Variants in NRF1 observed in about 807,000 individuals in gnomAD.
NRF1 encodes the protein nuclear respiratory factor 1.
A neutral mutation model predicts 58.5 loss-of-function variants in NRF1; 5 were observed. That is an observed-to-expected ratio of 0.09 (90% CI 0.04 to 0.18). The LOEUF (loss-of-function observed/expected upper bound fraction) is 0.18. Among genes scored for constraint, NRF1 ranks in the 10% least tolerant of loss-of-function variants. The pLI, the probability that NRF1 is intolerant of heterozygous loss-of-function variation, is 1.00. For synonymous variants in NRF1, 224 were observed against 246.7 expected, an observed-to-expected ratio of 0.91 and a Z score of 0.86; for missense variants, 288 against 657.7, an observed-to-expected ratio of 0.44 and a Z score of 6.15.
chr7:129,690,668 G>A (rs1466243003), intron 5 of NRF1, 122 bp downstream of exon 5: 1 of 1,018,454 alleles, frequency 9.8e-7, no homozygotes, highest in Non-Finnish European at 1.4e-6. Flanking sequence ...GCTGACTGGA[G>A]TCTTGTAGTG....
intron 5 of NRF1, among the ~76,000 whole-genome samples, chr7:129,699,041 C>T (rs962280941): frequency 6.6e-6 from 1 of 152,180 alleles, no homozygotes; most frequent in Non-Finnish European, 1.5e-5. Context: ...TCTTCTTTCC[C>T]TTCTCCCTTC....
intron 9 of NRF1, among the ~76,000 whole-genome samples, chr7:129,725,843 T>C (rs1438067001): frequency 6.6e-6 from 1 of 152,164 alleles, no homozygotes; most frequent in African/African-American, 2.4e-5. Flanking sequence ...TTAATGACAC[T>C]TTTCTGTCCA....
rs1016826243 is a variant in NRF1, at chr7:129,755,536, TATATATATAC to T, written c.*365_*374del. ...CATACACATTTACATATATATAAAG[TATATATATAC>T]ATATATATATATATATATGTATGAA... On this transcript the variant is annotated 3_prime_UTR_variant, in exon 11 of 11. Transcript: ENST00000393232. This position sits in a 1 kb window ranked among gnomAD's most constrained non-coding sequence, Gnocchi z 5.8. The T allele has an allele frequency of 8.5e-4, 27 of 31,858 alleles. No homozygotes were observed. The highest frequency in any genetic ancestry group is 3.1e-3 in the African/African-American group (24 of 7,776). 2.0% of individuals were successfully genotyped at this position (31,858 alleles called of 1,614,324 possible). A position where few individuals can be genotyped will look rare whatever the true frequency, so the allele number is the denominator to read the frequency against.
At chr7:129,706,414 AG>A (rs1802951261) in intron 5 of NRF1, among the ~76,000 whole-genome samples, 1 of 152,338 alleles carries the variant, frequency 6.6e-6, no homozygotes, top group Middle Eastern at 3.4e-3. Flanking sequence ...ATTAGAATAA[AG>A]GTGGGGCCGG....
At chr7:129,705,982 G>A (rs974389593) in intron 5 of NRF1, among the ~76,000 whole-genome samples, 5 of 152,094 alleles carry the variant, frequency 3.3e-5, no homozygotes, top group Non-Finnish European at 7.4e-5. Flanking sequence ...GTTAGTATAT[G>A]TTCCACAAAG....
Position 129,727,332 on chromosome 7 carries a change from G to A in NRF1, c.1315G>A (p.Val439Ile), listed in dbSNP as rs1803472255. The A allele has an allele frequency of 4.4e-6, 7 of 1,608,130 alleles. No individual in the cohort carries two copies. The highest frequency in any genetic ancestry group is 1.7e-5 in the Admixed American group (1 of 58,336). ...CTTGTCTGGGGAAACCGCAGCAGCC[G>A]TCGGAGCACTTACTGGAGTCCAAGA... ...IVLSGETAAAVGALTGVQDAN... is the reference protein window; with the variant it reads ...IVLSGETAAAIGALTGVQDAN... Residue 439 changes from valine (V) to isoleucine (I), a missense_variant, in exon 10 of 11, where the codon GTC becomes ATC. By Grantham distance (29) the Val-to-Ile change is conservative. Transcript: ENST00000393232.
chr7:129,672,277 G>A (rs1433996998), intron 3 of NRF1, among the ~76,000 whole-genome samples: 3 of 148,240 alleles, frequency 2.0e-5, no homozygotes, highest in East Asian at 2.0e-4. Context: ...GGCCTCAAGC[G>A]ATCCTCGTGC....
At chr7:129,690,984 C>T (rs1802553195) in intron 5 of NRF1, among the ~76,000 whole-genome samples, 1 of 152,142 alleles carries the variant, frequency 6.6e-6, no homozygotes, top group Admixed American at 6.5e-5. Flanking sequence ...CTTCCTTCCG[C>T]AAGAATGTAA....
intron 5 of NRF1, among the ~76,000 whole-genome samples, chr7:129,691,360 TA>T (rs1802562376): frequency 3.1e-5 from 2 of 64,486 alleles, no homozygotes; most frequent in South Asian, 6.6e-4. Flanking sequence ...TTATTATTAT[TA>T]TTATTTTTTT....
intron 10 of NRF1, chr7:129,744,049 G>A: frequency 2.5e-6 from 2 of 796,968 alleles, no homozygotes; most frequent in Non-Finnish European, 3.9e-6. Flanking sequence ...GGTGGAAGGA[G>A]CGAGGCTGTG....
At chr7:129,705,786 G>GA (rs940147657) in intron 5 of NRF1, among the ~76,000 whole-genome samples, 13 of 151,840 alleles carry the variant, frequency 8.6e-5, no homozygotes, top group South Asian at 4.2e-4. Context: ...GAAAAGTAAA[G>GA]AAAAAAAATA....
At chr7:129,624,901 C>T (rs1307862779) in intron 1 of NRF1, among the ~76,000 whole-genome samples, 2 of 152,298 alleles carry the variant, frequency 1.3e-5, no homozygotes, top group Middle Eastern at 6.8e-3. Context: ...ATCCCTAGAT[C>T]CTTCAACCTT....
At chr7:129,686,315 G>C (rs1277599176) in intron 4 of NRF1, among the ~76,000 whole-genome samples, 1 of 152,080 alleles carries the variant, frequency 6.6e-6, no homozygotes, top group Non-Finnish European at 1.5e-5. Flanking sequence ...TGGAGGCTCT[G>C]GCAAAGGAGT....
At chr7:129,728,527 A>G (rs1803505715) in intron 10 of NRF1, among the ~76,000 whole-genome samples, 1 of 151,886 alleles carries the variant, frequency 6.6e-6, no homozygotes, top group African/African-American at 2.4e-5. Flanking sequence ...TAAATAACAT[A>G]CTTTCATCAT....
intron 1 of NRF1, among the ~76,000 whole-genome samples, chr7:129,634,029 T>A (rs1584592052): frequency 9.0e-6 from 1 of 110,794 alleles, no homozygotes; most frequent in Non-Finnish European, 1.8e-5. Context: ...CATCTGTATT[T>A]AAAAAAAAAA....
chr7:129,612,338 G>T (rs1208805538), intron 1 of NRF1, among the ~76,000 whole-genome samples: 1 of 151,878 alleles, frequency 6.6e-6, no homozygotes, highest in African/African-American at 2.4e-5. Context: ...GGGCTGGGGC[G>T]CGGGAGCCGC....
At position 129,722,393 on chromosome 7, in the gene NRF1, G is replaced by GAAAA. The variant is rs113582154; in HGVS notation, c.1224-4835_1224-4832dup. ...GCCACAAGAGCGAAACTCCGTCTCA[G>GAAAA]AAAAAAAAAAAAAAAATCTTTCTAG... On this transcript the variant is annotated intron_variant, in intron 9 of 10. Coordinates refer to ENST00000393232, the MANE Select transcript of NRF1 (RefSeq NM_005011.5). Among the ~76,000 whole-genome samples, 4 of 129,978 alleles carry GAAAA rather than the reference G, an allele frequency of 3.1e-5. No homozygotes were observed. In the South Asian group the frequency reaches 9.6e-4, roughly 31 times the overall value. 85.3% of individuals were successfully genotyped at this position (129,978 alleles called of 152,430 possible).
At chr7:129,712,255 G>A (rs1357790441) in intron 8 of NRF1, among the ~76,000 whole-genome samples, 1 of 152,156 alleles carries the variant, frequency 6.6e-6, no homozygotes, top group Non-Finnish European at 1.5e-5. Context: ...ACATTACCTA[G>A]GCTCTGAGCC....
rs879837299 is a variant in NRF1, at chr7:129,638,100, G to GT, written c.-6-19234dup. On this transcript the variant is annotated intron_variant, in intron 1 of 10. Coordinates refer to ENST00000393232, the MANE Select transcript of NRF1 (RefSeq NM_005011.5). ...TTTTTTGTACATTGCTACTGGCACA[G>GT]TTTTTTTTTTTTCAATAGTTCACTC... Among the ~76,000 whole-genome samples, 570 of 144,048 alleles carry GT rather than the reference G, an allele frequency of 4.0e-3. 2 individuals carry two copies. Among genetic ancestry groups the GT allele is most frequent in the East Asian group, 8.5e-3 (42 of 4,946 alleles). 94.5% of individuals were successfully genotyped at this position (144,048 alleles called of 152,430 possible).
Sources: allele counts gnomAD v4.1 joint callset (sites outside exome capture counted in the v4.1 genomes callset), GRCh38; gene constraint gnomAD v4.1.1; non-coding constraint Gnocchi (gnomAD v3.1); transcripts MANE v1.5; gene names NCBI Gene and HGNC (gene_info 2026-07-23, HGNC 2026-07-21).